Variants in PPP1R16B observed in about 807,000 individuals in gnomAD.
The protein encoded by PPP1R16B is protein phosphatase 1 regulatory subunit 16B.
Under a neutral mutation model 61.7 loss-of-function variants are expected in PPP1R16B, and 14 were observed. The observed-to-expected ratio is 0.23, with a 90% CI of 0.15 to 0.35. The LOEUF (loss-of-function observed/expected upper bound fraction) is 0.35. Ranked by LOEUF, PPP1R16B falls within the 10% of genes least tolerant of loss-of-function variation. The pLI is 1.00. For synonymous variants in PPP1R16B, 266 were observed against 305.3 expected (o/e 0.87, Z 1.34); for missense variants, 547 against 752.5 (o/e 0.73, Z 3.19).
At chr20:38,885,057 A>AAGAAG (rs1555806869) in intron 2 of PPP1R16B, among the ~76,000 whole-genome samples, 6 of 142,564 alleles carry the variant, frequency 4.2e-5, no homozygotes, top group African/African-American at 1.3e-4. Context: ...AAAAAAAAAA[A>AAGAAG]AAGAAGAAGA....
In PPP1R16B at chr20:38,863,548, G is replaced by C. The variant is rs560548147; in HGVS notation, c.251-26047G>C. ...GATGGGAAGGACCAGGCCCTTTCCAGGTTCCTGTTCTGGCTCCTCTGTACA... is the reference window on the plus strand; with the variant it reads ...GATGGGAAGGACCAGGCCCTTTCCACGTTCCTGTTCTGGCTCCTCTGTACA... On this transcript the variant is annotated intron_variant, in intron 2 of 10. Coordinates refer to ENST00000299824, the MANE Select transcript of PPP1R16B (RefSeq NM_015568.4). Among the ~76,000 whole-genome samples, 15 of 152,342 alleles carry C rather than the reference G, an allele frequency of 9.8e-5. No homozygotes were observed. In the South Asian group the frequency reaches 1.9e-3, roughly 19 times the overall value.
chr20:38,849,038 C>T (rs2084951673), intron 2 of PPP1R16B, among the ~76,000 whole-genome samples: 1 of 152,166 alleles, frequency 6.6e-6, no homozygotes. Context: ...TCTAAGCGGG[C>T]AAATAGCACA....
At chr20:38,840,930 G>A (rs895703061) in intron 2 of PPP1R16B, among the ~76,000 whole-genome samples, 2 of 152,184 alleles carry the variant, frequency 1.3e-5, no homozygotes, top group African/African-American at 4.8e-5. Context: ...AGCTACGTAA[G>A]TGGTATAAAT....
intron 3 of PPP1R16B, among the ~76,000 whole-genome samples, chr20:38,891,968 A>T (rs1304817903): frequency 6.6e-6 from 1 of 152,216 alleles, no homozygotes; most frequent in Non-Finnish European, 1.5e-5. Context: ...AATGTGGCTG[A>T]TGTGACTGAG....
intron 3 of PPP1R16B, among the ~76,000 whole-genome samples, chr20:38,893,739 C>T (rs975180403): frequency 6.6e-6 from 1 of 152,112 alleles, no homozygotes; most frequent in Non-Finnish European, 1.5e-5. Flanking sequence ...CAGGCCGGGT[C>T]TCCCAGGTGT....
chr20:38,843,279 G>T (rs909303129), intron 2 of PPP1R16B, among the ~76,000 whole-genome samples: 20 of 152,258 alleles, frequency 1.3e-4, no homozygotes, highest in African/African-American at 4.8e-4. Context: ...AAATTTAGCA[G>T]CTTAAAACAA....
chr20:38,823,246 C>G (rs1668754880), intron 1 of PPP1R16B, among the ~76,000 whole-genome samples: 1 of 152,190 alleles, frequency 6.6e-6, no homozygotes, highest in Non-Finnish European at 1.5e-5. Flanking sequence ...CATCTGGAAA[C>G]TTTCTGATTT....
chr20:38,913,536 C>G (rs547864539), intron 10 of PPP1R16B, among the ~76,000 whole-genome samples: 1 of 152,218 alleles, frequency 6.6e-6, no homozygotes, highest in Non-Finnish European at 1.5e-5. Flanking sequence ...GCTGGGATTA[C>G]GGGCGTGAGC....
intron 2 of PPP1R16B, among the ~76,000 whole-genome samples, chr20:38,844,312 A>G (rs2084925024): frequency 1.3e-5 from 2 of 152,212 alleles, no homozygotes; most frequent in Admixed American, 1.3e-4. Flanking sequence ...TAAAATTTGG[A>G]TTTTTGCTTA....
At chr20:38,910,429 G>C (rs2085479024) in intron 10 of PPP1R16B, among the ~76,000 whole-genome samples, 1 of 152,060 alleles carries the variant, frequency 6.6e-6, no homozygotes, top group Non-Finnish European at 1.5e-5. Context: ...GAGTTCTAAA[G>C]ATTAATTTTG....
At chr20:38,833,980 A>G (rs1032997587) in intron 1 of PPP1R16B, among the ~76,000 whole-genome samples, 3 of 152,106 alleles carry the variant, frequency 2.0e-5, no homozygotes, top group African/African-American at 7.2e-5. Context: ...GGCTAACCCA[A>G]TACTCTTTGA....
chr20:38,899,622 T>A (rs2085376068), intron 4 of PPP1R16B, among the ~76,000 whole-genome samples: 1 of 152,208 alleles, frequency 6.6e-6, no homozygotes, highest in South Asian at 2.1e-4. Flanking sequence ...ATCAGCCTTT[T>A]GAGTAGGGAC....
At chr20:38,873,300 G>C (rs1317350807) in intron 2 of PPP1R16B, among the ~76,000 whole-genome samples, 1 of 152,174 alleles carries the variant, frequency 6.6e-6, no homozygotes, top group Admixed American at 6.5e-5. Context: ...GTTGGGTTCT[G>C]AGACGTCTGG....
chr20:38,890,392 C>T (rs1410065135), intron 3 of PPP1R16B, among the ~76,000 whole-genome samples: 5 of 152,234 alleles, frequency 3.3e-5, no homozygotes, highest in African/African-American at 1.2e-4. Context: ...ATCTTCTAAG[C>T]CTCCTGGCTC....
chr20:38,872,598 G>C (rs139353347), intron 2 of PPP1R16B, among the ~76,000 whole-genome samples: 3 of 152,284 alleles, frequency 2.0e-5, no homozygotes, highest in Non-Finnish European at 4.4e-5. Flanking sequence ...TAGGGCCACC[G>C]GATTTGCATT....
intron 2 of PPP1R16B, among the ~76,000 whole-genome samples, chr20:38,876,432 A>G (rs1004023509): frequency 1.3e-5 from 2 of 152,202 alleles, no homozygotes; most frequent in African/African-American, 4.8e-5. Flanking sequence ...TAGGCAATGC[A>G]TAACAAGGGA....
At chr20:38,901,445 T>G (rs1188505073) in intron 5 of PPP1R16B, among the ~76,000 whole-genome samples, 1 of 152,244 alleles carries the variant, frequency 6.6e-6, no homozygotes, top group African/African-American at 2.4e-5. Context: ...AGTCTTGCTG[T>G]GTCCCCCAGG....
At chr20:38,896,037 TCTTTCTTTTCTCCCTTCCTCCCTTC>T (rs1249760797) in intron 4 of PPP1R16B, among the ~76,000 whole-genome samples, 16 of 135,108 alleles carry the variant, frequency 1.2e-4, no homozygotes, top group African/African-American at 3.5e-4. Context: ...CTCTCTTCCT[TCTTTCTTTTCTCCCTTCCTCCCTTC>T]CTTTCTTCCC....
chr20:38,870,657 A>G (rs1294406533), intron 2 of PPP1R16B, among the ~76,000 whole-genome samples: 1 of 152,104 alleles, frequency 6.6e-6, no homozygotes, highest in East Asian at 1.9e-4. Context: ...TGGGAAGGGA[A>G]GGGACAGGGA....
Sources: allele counts gnomAD v4.1 joint callset (sites outside exome capture counted in the v4.1 genomes callset), GRCh38; gene constraint gnomAD v4.1.1; transcripts MANE v1.5; gene names NCBI Gene and HGNC (gene_info 2026-07-23, HGNC 2026-07-21).